SLC35F1: variants seen among roughly 807,000 people sequenced by gnomAD.
SLC35F1 encodes the protein solute carrier family 35 member F1, also known as chromosome 6 open reading frame 169.
Under a neutral mutation model 48.7 loss-of-function variants are expected in SLC35F1, and 14 were observed. The ratio of observed to expected loss-of-function variants is 0.29; its 90% CI spans 0.19 to 0.45. SLC35F1 has a LOEUF of 0.45. SLC35F1 is among the 20% of genes least tolerant of loss of function. The pLI is 1.00. For missense variants in SLC35F1, 404 were observed against 500.0 expected, an observed-to-expected ratio of 0.81 and a Z score of 1.83; for synonymous variants, 190 against 202.2, an observed-to-expected ratio of 0.94 and a Z score of 0.51.
chr6:118,264,030 T>C (rs914108489), intron 3 of SLC35F1, among the ~76,000 whole-genome samples: 5 of 152,238 alleles, frequency 3.3e-5, no homozygotes, highest in Non-Finnish European at 1.5e-5. Flanking sequence ...ACTAACAATT[T>C]GTGTGACCTT....
intron 1 of SLC35F1, among the ~76,000 whole-genome samples, chr6:117,951,334 C>T (rs1026509764): frequency 2.0e-5 from 3 of 152,028 alleles, no homozygotes; most frequent in Admixed American, 6.6e-5. Flanking sequence ...TGTTTGAGGT[C>T]GAAAAACTTA....
chr6:118,056,601 G>T (rs1455738348), intron 1 of SLC35F1, among the ~76,000 whole-genome samples: 1 of 152,164 alleles, frequency 6.6e-6, no homozygotes, highest in Non-Finnish European at 1.5e-5. Flanking sequence ...CTCAAATCTG[G>T]TTGCCCTCTC....
At chr6:118,104,016 A>G (rs1469157987) in intron 1 of SLC35F1, among the ~76,000 whole-genome samples, 1 of 152,144 alleles carries the variant, frequency 6.6e-6, no homozygotes, top group Non-Finnish European at 1.5e-5. Context: ...AAGAATAACC[A>G]TGTAGCATTT....
intron 1 of SLC35F1, among the ~76,000 whole-genome samples, chr6:118,061,746 G>A (rs1169631556): frequency 6.6e-6 from 1 of 152,114 alleles, no homozygotes; most frequent in African/African-American, 2.4e-5. Context: ...GACTGGGCTG[G>A]GGATGGTTTT....
At chr6:118,131,738 G>A (rs557398642) in intron 1 of SLC35F1, among the ~76,000 whole-genome samples, 20 of 150,372 alleles carry the variant, frequency 1.3e-4, no homozygotes, top group Non-Finnish European at 1.9e-4. Context: ...TAAATTTTGC[G>A]TTCTGGCATT....
At position 118,102,082 on chromosome 6, in the gene SLC35F1, G is replaced by A. The variant is rs146300621; in HGVS notation, c.174-52363G>A. Reference sequence around the variant, plus strand: ...AGAGCTGGAGTTTTATGATGGCCATGGCAGCTTTGAACTGCTGAGCCCCTT... The same window carrying A: ...AGAGCTGGAGTTTTATGATGGCCATAGCAGCTTTGAACTGCTGAGCCCCTT... On this transcript the variant is annotated intron_variant, in intron 1 of 7. Coordinates refer to ENST00000360388, the MANE Select transcript of SLC35F1 (RefSeq NM_001029858.4). Among the ~76,000 whole-genome samples, 29 of 152,254 alleles carry A rather than the reference G, an allele frequency of 1.9e-4. No homozygotes were observed. The East Asian group carries it at 5.2e-3, about 27-fold the overall frequency.
At chr6:117,964,165 T>A (rs1469493390) in intron 1 of SLC35F1, among the ~76,000 whole-genome samples, 1 of 152,258 alleles carries the variant, frequency 6.6e-6, no homozygotes, top group Non-Finnish European at 1.5e-5. Context: ...TATTCCTTTT[T>A]ATGGCTGCAT....
chr6:117,933,106 A>G (rs915130490), intron 1 of SLC35F1, among the ~76,000 whole-genome samples: 7 of 152,260 alleles, frequency 4.6e-5, no homozygotes, highest in Non-Finnish European at 8.8e-5. Context: ...ATATTGAAGT[A>G]TGTTACAGAT....
chr6:118,084,046 A>T (rs1163890041), intron 1 of SLC35F1, among the ~76,000 whole-genome samples: 1 of 152,188 alleles, frequency 6.6e-6, no homozygotes, highest in Admixed American at 6.5e-5. Context: ...GATGAGATAG[A>T]AGTTTTAATT....
intron 1 of SLC35F1, among the ~76,000 whole-genome samples, chr6:118,070,857 T>C (rs1772692884): frequency 7.1e-6 from 1 of 141,040 alleles, no homozygotes. Flanking sequence ...TATATACACA[T>C]AGGATATATA....
intron 7 of SLC35F1, among the ~76,000 whole-genome samples, chr6:118,309,776 A>T (rs962134041): frequency 1.3e-5 from 2 of 152,246 alleles, no homozygotes; most frequent in Admixed American, 6.5e-5. Context: ...ATGCCACATC[A>T]ACCAAATAGC....
At chr6:118,246,428 A>G (rs765096571) in intron 3 of SLC35F1, among the ~76,000 whole-genome samples, 8 of 152,174 alleles carry the variant, frequency 5.3e-5, no homozygotes, top group Non-Finnish European at 1.2e-4. Context: ...ATGAATTACA[A>G]TGCAGTGTGA....
At chr6:118,000,481 C>G (rs1426379728) in intron 1 of SLC35F1, among the ~76,000 whole-genome samples, 1 of 152,132 alleles carries the variant, frequency 6.6e-6, no homozygotes, top group Non-Finnish European at 1.5e-5. Context: ...GACAAACCCA[C>G]GGCCAATATC....
At chr6:118,011,078 C>A (rs960320117) in intron 1 of SLC35F1, among the ~76,000 whole-genome samples, 3 of 152,096 alleles carry the variant, frequency 2.0e-5, no homozygotes, top group Non-Finnish European at 4.4e-5. Context: ...GGTCCCCAAC[C>A]TTTTTGGCAC....
chr6:118,231,411 G>A (rs1160732590), intron 2 of SLC35F1, among the ~76,000 whole-genome samples: 2 of 152,114 alleles, frequency 1.3e-5, no homozygotes, highest in African/African-American at 4.8e-5. Flanking sequence ...TGCTGGCATG[G>A]GGACTCTAAG....
chr6:118,305,048 A>ATGTGTGTGTGTGTGTG (rs758520455), intron 7 of SLC35F1, among the ~76,000 whole-genome samples: 10 of 80,158 alleles, frequency 1.2e-4, no homozygotes, highest in Non-Finnish European at 2.5e-4. Flanking sequence ...ATCAACAGGA[A>ATGTGTGTGTGTGTGTG]TGTGTGTGTG....
At chr6:118,174,341 G>A (rs1774455195) in intron 2 of SLC35F1, among the ~76,000 whole-genome samples, 1 of 152,098 alleles carries the variant, frequency 6.6e-6, no homozygotes, top group South Asian at 2.1e-4. Context: ...CATTCATGAA[G>A]ACATGGGAAT....
intron 2 of SLC35F1, among the ~76,000 whole-genome samples, chr6:118,199,431 G>A (rs983665870): frequency 1.3e-5 from 2 of 152,146 alleles, no homozygotes; most frequent in Non-Finnish European, 2.9e-5. Context: ...GTAAGGCTAC[G>A]TACCATTCTG....
Position 118,314,253 on chromosome 6 carries a change from G to C in SLC35F1, c.*1G>C. 1 of 1,613,876 alleles carries C rather than the reference G, an allele frequency of 6.2e-7. No homozygotes were observed. Among genetic ancestry groups the C allele is most frequent in the Non-Finnish European group, 8.5e-7 (1 of 1,179,762 alleles). On this transcript the variant is annotated 3_prime_UTR_variant, in exon 8 of 8. Coordinates refer to ENST00000360388, the MANE Select transcript of SLC35F1 (RefSeq NM_001029858.4). ...GGAGCCTCATGTTCGTGTGGCCTAG[G>C]GTGAGGCCCGCCCTGCCAACTGAGG...
Sources: allele counts gnomAD v4.1 joint callset (sites outside exome capture counted in the v4.1 genomes callset), GRCh38; gene constraint gnomAD v4.1.1; transcripts MANE v1.5; gene names NCBI Gene and HGNC (gene_info 2026-07-23, HGNC 2026-07-21).